NARS2: variants seen among roughly 807,000 people sequenced by gnomAD.
NARS2 encodes asparaginyl-tRNA synthetase.
Under a neutral mutation model 62.9 loss-of-function variants are expected in NARS2, and 60 were observed. That is an observed-to-expected ratio of 0.95 (90% CI 0.77 to 1.18). The LOEUF (loss-of-function observed/expected upper bound fraction) is 1.18, where lower values mean the gene tolerates loss of function less well. NARS2 is among the 50% of genes most tolerant of loss of function. The probability of loss-of-function intolerance (pLI) is 0.00; values close to 1 mark genes in which losing one functional copy is unlikely to be tolerated. For synonymous variants in NARS2, 196 were observed against 200.0 expected (o/e 0.98, Z 0.17); for missense variants, 619 against 576.4 (o/e 1.07, Z -0.76).
chr11:78,461,387 C>G (rs115876873), intron 11 of NARS2, among the ~76,000 whole-genome samples: 51 of 151,818 alleles, frequency 3.4e-4, no homozygotes, highest in African/African-American at 1.2e-3. Flanking sequence ...TGTGATGTCA[C>G]AGAAGTCAAG....
At chr11:78,529,577 T>C (rs1861408995) in intron 5 of NARS2, among the ~76,000 whole-genome samples, 3 of 152,214 alleles carry the variant, frequency 2.0e-5, no homozygotes, top group African/African-American at 7.2e-5. Flanking sequence ...ATTCAACATT[T>C]GTTAAGAGTT....
intron 4 of NARS2, 96 bp downstream of exon 4, chr11:78,566,036 A>C (rs112020759): frequency 9.6e-7 from 1 of 1,044,742 alleles, no homozygotes; most frequent in African/African-American, 1.6e-5. Flanking sequence ...ACCCATAACT[A>C]ACAGACATGT....
chr11:78,503,700 G>A (rs1308926059), intron 6 of NARS2, among the ~76,000 whole-genome samples: 1 of 152,202 alleles, frequency 6.6e-6, no homozygotes, highest in Non-Finnish European at 1.5e-5. Flanking sequence ...ATCAAACAGA[G>A]CTTGGTTTAT....
chr11:78,503,561 C>CT (rs1168050516), intron 6 of NARS2, among the ~76,000 whole-genome samples: 1 of 152,152 alleles, frequency 6.6e-6, no homozygotes, highest in Non-Finnish European at 1.5e-5. Flanking sequence ...CTAATTACCA[C>CT]TTATGATTGA....
intron 6 of NARS2, among the ~76,000 whole-genome samples, chr11:78,520,287 C>G (rs1444635356): frequency 6.6e-6 from 1 of 152,100 alleles, no homozygotes; most frequent in Non-Finnish European, 1.5e-5. Flanking sequence ...TCTGGTGGCT[C>G]TCAGCAATCC....
In NARS2 at chr11:78,486,497, G is replaced by A. The variant is rs541599960; in HGVS notation, c.822+6566C>T. ...AATTTCCAGACTATGAGTAGCACAC[G>A]CATCAGAAAGACTCAAATAGCACAG... On this transcript the variant is annotated intron_variant, in intron 7 of 13. Coordinates refer to ENST00000281038, the MANE Select transcript of NARS2 (RefSeq NM_024678.6). 2.0e-5 allele frequency among the ~76,000 whole-genome samples: 3 copies of A among 152,314 alleles called. No individual in the cohort carries two copies. The East Asian group carries it at 5.8e-4, about 29-fold the overall frequency.
chr11:78,500,525 G>A lies in NARS2; in HGVS notation c.690-7330C>T, dbSNP rs543144841. Among the ~76,000 whole-genome samples the A allele has an allele frequency of 1.6e-4, 24 of 152,058 alleles. No homozygotes were observed. In the South Asian group the frequency reaches 4.8e-3, roughly 30 times the overall value. ...GTCTTGCTCTATCACCCAGGCTGGG[G>A]TGCAGTGGCACAAACACAGCTCACT... On this transcript the variant is annotated intron_variant, in intron 6 of 13. Transcript: ENST00000281038.
chr11:78,542,340 T>C (rs1430752544), intron 5 of NARS2, among the ~76,000 whole-genome samples: 5 of 152,230 alleles, frequency 3.3e-5, no homozygotes, highest in African/African-American at 4.8e-5. Flanking sequence ...TGCTGCCTTA[T>C]TTTTCTTTTA....
chr11:78,479,118 T>C (rs2135267916), intron 7 of NARS2, among the ~76,000 whole-genome samples: 1 of 152,262 alleles, frequency 6.6e-6, no homozygotes, highest in East Asian at 1.9e-4. Context: ...TCAGTTGTTG[T>C]GAACTGTAAG....
intron 5 of NARS2, among the ~76,000 whole-genome samples, chr11:78,541,160 C>CA (rs61687088): frequency 0.015 from 2,232 of 146,622 alleles, 47 homozygotes; most frequent in African/African-American, 0.052. Context: ...AACTCCATCT[C>CA]AAAAAAAAAA....
chr11:78,528,526 C>G (rs1390124034), intron 6 of NARS2, among the ~76,000 whole-genome samples: 5 of 152,020 alleles, frequency 3.3e-5, no homozygotes, highest in Non-Finnish European at 1.5e-5. Context: ...TAGACTAATA[C>G]CCGGTTCAGG....
At chr11:78,553,274 G>A (rs1297939015) in intron 5 of NARS2, among the ~76,000 whole-genome samples, 1 of 151,776 alleles carries the variant, frequency 6.6e-6, no homozygotes. Flanking sequence ...GTCTGTTCAT[G>A]TCCTTTGCAC....
intron 6 of NARS2, among the ~76,000 whole-genome samples, chr11:78,521,354 G>A: frequency 6.6e-6 from 1 of 151,950 alleles, no homozygotes; most frequent in Non-Finnish European, 1.5e-5. Context: ...TTGTTTGTTT[G>A]TAGAGACTAG....
intron 7 of NARS2, among the ~76,000 whole-genome samples, chr11:78,478,997 G>T (rs1388806522): frequency 6.6e-6 from 1 of 152,158 alleles, no homozygotes; most frequent in Non-Finnish European, 1.5e-5. Context: ...CTCACTGGTA[G>T]AATCAGGGTA....
chr11:78,473,805 T>C (rs1284820232), intron 9 of NARS2, among the ~76,000 whole-genome samples: 1 of 152,246 alleles, frequency 6.6e-6, no homozygotes, highest in Non-Finnish European at 1.5e-5. Context: ...AATTGGCCCT[T>C]TCATTAAGGG....
At chr11:78,470,445 C>G (rs971252872) in intron 9 of NARS2, among the ~76,000 whole-genome samples, 2 of 152,076 alleles carry the variant, frequency 1.3e-5, no homozygotes, top group Non-Finnish European at 1.5e-5. Context: ...TTTATTTATA[C>G]AGATAATGTA....
At chr11:78,571,244 G>C in intron 2 of NARS2, 91 bp downstream of exon 2, 1 of 731,178 alleles carries the variant, frequency 1.4e-6, no homozygotes, top group Non-Finnish European at 2.4e-6. Context: ...AGATTACTCA[G>C]GGGTCCAACG....
intron 5 of NARS2, among the ~76,000 whole-genome samples, chr11:78,535,906 C>T (rs949743094): frequency 6.6e-6 from 1 of 152,008 alleles, no homozygotes; most frequent in Non-Finnish European, 1.5e-5. Context: ...TGTGAGCCAC[C>T]GAGCCCAGCA....
chr11:78,509,331 A>T (rs1860627913), intron 6 of NARS2, among the ~76,000 whole-genome samples: 1 of 152,186 alleles, frequency 6.6e-6, no homozygotes. Context: ...AGAAATGCTC[A>T]AGGTGGTCCT....
Sources: allele counts gnomAD v4.1 joint callset (sites outside exome capture counted in the v4.1 genomes callset), GRCh38; gene constraint gnomAD v4.1.1; transcripts MANE v1.5; gene names NCBI Gene and HGNC (gene_info 2026-07-23, HGNC 2026-07-21).